The following ACTA2 variants were observed in gnomAD, a reference collection of about 807,000 sequenced individuals.
ACTA2 encodes the protein actin alpha 2, smooth muscle.
Under a neutral mutation model 39.5 loss-of-function variants are expected in ACTA2, and 12 were observed. The observed-to-expected ratio is 0.30, with a 90% CI of 0.19 to 0.49. ACTA2 has a LOEUF of 0.49. Among genes scored for constraint, ACTA2 ranks in the 20% least tolerant of loss-of-function variants. The pLI, the probability that ACTA2 is intolerant of heterozygous loss-of-function variation, is 0.99. For missense variants in ACTA2, 236 were observed against 498.8 expected (o/e 0.47, Z 5.02); for synonymous variants, 158 against 180.6 (o/e 0.88, Z 1.00).
In ACTA2 at chr10:88,990,841, G is replaced by A; in HGVS notation, c.-24+98C>T. 6.2e-7 allele frequency: 1 copy of A among 1,614,220 alleles called. No homozygotes were observed. The highest frequency in any genetic ancestry group is 8.5e-7 in the Non-Finnish European group (1 of 1,180,030). On this transcript the variant is annotated intron_variant, in intron 1 of 4. Coordinates refer to the ACTA2 transcript ENST00000415557. The surrounding 1 kb of genome is among the most constrained non-coding windows in gnomAD (Gnocchi z 4.9). ...GTGGACCCGCTCAGTACGGAGTTGG[G>A]GAAGCTCTTTCACTTCGGAGGATTG...
chr10:88,955,026 AAAAAAAAGAAG>A (rs1468520790), upstream of ACTA2, among the ~76,000 whole-genome samples: 1 of 151,524 alleles, frequency 6.6e-6, no homozygotes, highest in Non-Finnish European at 1.5e-5. Flanking sequence ...CAAAAAAAAA[AAAAAAAAGAAG>A]AAGAAGGAAA....
chr10:88,969,576 CT>C (rs914385695), intron 1 of ACTA2, among the ~76,000 whole-genome samples: 14 of 148,996 alleles, frequency 9.4e-5, no homozygotes, highest in Admixed American at 5.4e-4. Flanking sequence ...ATCAAGATCA[CT>C]TTTTTTTTTG....
intron 2 of ACTA2, among the ~76,000 whole-genome samples, chr10:88,947,977 A>T (rs780023158): frequency 6.6e-6 from 1 of 152,234 alleles, no homozygotes. Flanking sequence ...GCATTTAAAA[A>T]AAATCATTAA....
chr10:88,981,383 C>CTT lies in ACTA2; in HGVS notation c.-24+9554_-24+9555dup, dbSNP rs5786847. Among the ~76,000 whole-genome samples, 210 of 149,676 alleles carry CTT rather than the reference C, an allele frequency of 1.4e-3. 1 individual carries two copies. Among genetic ancestry groups the CTT allele is most frequent in the African/African-American group, 4.0e-3 (164 of 40,868 alleles). Reference sequence around the variant, plus strand: ...AACCATCGGGTTAAGAGAGAAATGACTTTTTTTTTTTAAAGAACTGGCCAT... The same window carrying CTT: ...AACCATCGGGTTAAGAGAGAAATGACTTTTTTTTTTTTTAAAGAACTGGCCAT... On this transcript the variant is annotated intron_variant, in intron 1 of 4. Transcript: ENST00000415557.
chr10:88,966,348 G>A (rs1321201832), intron 1 of ACTA2, among the ~76,000 whole-genome samples: 2 of 152,308 alleles, frequency 1.3e-5, no homozygotes, highest in East Asian at 1.9e-4. Context: ...GGACAGGACT[G>A]TGGGCCTGCA....
At chr10:88,957,080 G>A (rs1441734), upstream of ACTA2, among the ~76,000 whole-genome samples, 87,776 of 151,986 alleles carry the variant, frequency 0.58, 26,172 homozygotes, top group East Asian at 0.9. Flanking sequence ...TATTAAGATC[G>A]TAGCAGACAC....
chr10:88,978,609 C>T (rs1391053950), intron 1 of ACTA2, among the ~76,000 whole-genome samples: 1 of 152,128 alleles, frequency 6.6e-6, no homozygotes, highest in Non-Finnish European at 1.5e-5. Context: ...AAAGAAGTGA[C>T]AACCAGTCAG....
intron 1 of ACTA2, among the ~76,000 whole-genome samples, chr10:88,951,071 T>TCCTTTCCCACCCTTCTTTTC (rs1383077614): frequency 4.6e-5 from 7 of 152,194 alleles, no homozygotes; most frequent in Non-Finnish European, 8.8e-5. Flanking sequence ...GCTTGCCCTT[T>TCCTTTCCCACCCTTCTTTTC]CCTTTCCCAC....
At chr10:88,980,445 C>T (rs943422829) in intron 1 of ACTA2, among the ~76,000 whole-genome samples, 6 of 152,066 alleles carry the variant, frequency 3.9e-5, no homozygotes, top group African/African-American at 1.4e-4. Flanking sequence ...GTCTGGTGAG[C>T]CAAAAGAGAG....
chr10:88,977,659 C>T (rs1195727347), intron 1 of ACTA2, among the ~76,000 whole-genome samples: 1 of 151,630 alleles, frequency 6.6e-6, no homozygotes, highest in African/African-American at 2.4e-5. Flanking sequence ...TGCTCATCAT[C>T]ACTGGCCATC....
chr10:88,966,266 G>C (rs988113276), intron 1 of ACTA2, among the ~76,000 whole-genome samples: 2 of 152,164 alleles, frequency 1.3e-5, no homozygotes, highest in Non-Finnish European at 2.9e-5. Flanking sequence ...TTTCTTGTTA[G>C]ATTATAGGAT....
intron 1 of ACTA2, among the ~76,000 whole-genome samples, chr10:88,979,192 G>A (rs1846647724): frequency 6.6e-6 from 1 of 152,018 alleles, no homozygotes; most frequent in Non-Finnish European, 1.5e-5. Context: ...GGGTTATGAT[G>A]TTGTGTATGA....
chr10:88,973,152 C>T, intron 1 of ACTA2: 1 of 1,587,212 alleles, frequency 6.3e-7, no homozygotes, highest in Non-Finnish European at 8.6e-7. Context: ...CCAATCCTCT[C>T]ACCTTCCCTT....
intron 1 of ACTA2, among the ~76,000 whole-genome samples, chr10:88,987,130 C>T (rs970027678): frequency 1.3e-5 from 2 of 152,210 alleles, no homozygotes; most frequent in Admixed American, 6.5e-5. Context: ...CACTTGGCCA[C>T]TGTGGGCTCT....
chr10:88,960,724 A>G (rs1846211724), intron 1 of ACTA2, among the ~76,000 whole-genome samples: 1 of 149,708 alleles, frequency 6.7e-6, no homozygotes. Flanking sequence ...ATTATTGACA[A>G]CAATGACAAA....
At chr10:88,984,880 A>G (rs762166442) in intron 1 of ACTA2, among the ~76,000 whole-genome samples, 9 of 152,206 alleles carry the variant, frequency 5.9e-5, no homozygotes, top group Non-Finnish European at 1.0e-4. Context: ...TATTTTCTGG[A>G]AAGTTTAAAA....
At chr10:88,941,082 A>G in intron 6 of ACTA2, 147 bp downstream of exon 6, 1 of 991,714 alleles carries the variant, frequency 1.0e-6, no homozygotes, top group South Asian at 1.4e-5. Flanking sequence ...CACAGCAAAG[A>G]AAGATGTGCT....
intron 1 of ACTA2, among the ~76,000 whole-genome samples, chr10:88,952,365 T>A (rs1031652110): frequency 6.6e-6 from 1 of 152,132 alleles, no homozygotes; most frequent in Non-Finnish European, 1.5e-5. Context: ...CAGAAAGAAA[T>A]CTGAGTTTCC....
At chr10:88,964,773 T>C (rs1235424278) in intron 1 of ACTA2, among the ~76,000 whole-genome samples, 1 of 152,070 alleles carries the variant, frequency 6.6e-6, no homozygotes, top group African/African-American at 2.4e-5. Flanking sequence ...TACCAACTGG[T>C]CTCCTTCCCT....
Sources: gnomAD v4.1 joint callset for allele counts (sites outside exome capture counted in the v4.1 genomes callset) on GRCh38, gnomAD v4.1.1 for gene constraint, Gnocchi (gnomAD v3.1) non-coding constraint, MANE v1.5 for transcripts, NCBI Gene and HGNC (gene_info 2026-07-23, HGNC 2026-07-21) for gene names.